The following DLG2 variants were observed in gnomAD, a reference collection of about 807,000 sequenced individuals.
The protein encoded by DLG2 is disks large homolog 2.
A neutral mutation model predicts 132.5 loss-of-function variants in DLG2; 45 were observed. That is an observed-to-expected ratio of 0.34 (90% CI 0.27 to 0.44). The LOEUF (loss-of-function observed/expected upper bound fraction) is 0.44, where lower values mean the gene tolerates loss of function less well. DLG2 is among the 20% of genes least tolerant of loss of function. The pLI is 1.00. For missense variants in DLG2, 1,045 were observed against 1,196.9 expected (o/e 0.87, Z 1.87); for synonymous variants, 424 against 419.6 (o/e 1.01, Z -0.13).
chr11:84,795,199 G>A (rs2074406634), intron 6 of DLG2, among the ~76,000 whole-genome samples: 2 of 152,232 alleles, frequency 1.3e-5, no homozygotes, highest in Non-Finnish European at 2.9e-5. Context: ...AGGATGACCT[G>A]CCTGTGGAGA....
At chr11:83,904,944 G>A (rs1381914468) in intron 15 of DLG2, among the ~76,000 whole-genome samples, 1 of 152,134 alleles carries the variant, frequency 6.6e-6, no homozygotes, top group East Asian at 1.9e-4. Flanking sequence ...TCCGTATCCA[G>A]TACAGTGTAG....
intron 3 of DLG2, among the ~76,000 whole-genome samples, chr11:85,484,656 C>A (rs1159249055): frequency 6.6e-6 from 1 of 152,048 alleles, no homozygotes; most frequent in Non-Finnish European, 1.5e-5. Flanking sequence ...AATGAGATAC[C>A]ACCTCACGCC....
At chr11:85,044,669 C>T (rs993912092) in intron 6 of DLG2, among the ~76,000 whole-genome samples, 1 of 151,964 alleles carries the variant, frequency 6.6e-6, no homozygotes. Context: ...TTTTAAATCA[C>T]TGCTTAAACT....
At chr11:85,200,897 C>T (rs2081407456) in intron 4 of DLG2, among the ~76,000 whole-genome samples, 1 of 152,056 alleles carries the variant, frequency 6.6e-6, no homozygotes, top group Non-Finnish European at 1.5e-5. Context: ...CTGAGCTTTC[C>T]AGCCTCCATC....
intron 6 of DLG2, among the ~76,000 whole-genome samples, chr11:84,625,514 T>A (rs1336659087): frequency 6.6e-6 from 1 of 152,218 alleles, no homozygotes; most frequent in African/African-American, 2.4e-5. Flanking sequence ...GAGCATCTGC[T>A]TGTAACTTCC....
chr11:84,093,208 T>A (rs1347506182), intron 10 of DLG2, among the ~76,000 whole-genome samples: 1 of 152,188 alleles, frequency 6.6e-6, no homozygotes, highest in African/African-American at 2.4e-5. Context: ...AGATGTCAGC[T>A]GAGCTGCATT....
chr11:84,644,402 T>A (rs1020032871), intron 6 of DLG2, among the ~76,000 whole-genome samples: 1 of 152,040 alleles, frequency 6.6e-6, no homozygotes, highest in Non-Finnish European at 1.5e-5. Context: ...GCACTATACA[T>A]ACATGTAAGA....
rs151085892 is a variant in DLG2, at chr11:84,969,041, C to A, written c.357+142620G>T. Among the ~76,000 whole-genome samples, 36 of 136,676 alleles carry A rather than the reference C, an allele frequency of 2.6e-4. No homozygotes were observed. The East Asian group carries it at 7.0e-3, about 26-fold the overall frequency. The allele number at this position is 136,676 out of a possible 152,430, so 89.7% of individuals were successfully genotyped here. ...GCCTCTCTACTTAAAGCCTAGAAAT[C>A]AAAAACTCAAAGGAAACTTTATTCT... On this transcript the variant is annotated intron_variant, in intron 6 of 27. Coordinates refer to ENST00000376104, the MANE Select transcript of DLG2 (RefSeq NM_001142699.3).
chr11:85,496,362 T>C (rs1443548283), intron 3 of DLG2, among the ~76,000 whole-genome samples: 1 of 152,150 alleles, frequency 6.6e-6, no homozygotes, highest in Non-Finnish European at 1.5e-5. Flanking sequence ...GCATCCACCA[T>C]TGCTGAGGCT....
At chr11:83,647,478 C>T (rs2068588454) in intron 18 of DLG2, 2 of 152,092 alleles carry the variant, frequency 1.3e-5, no homozygotes, top group African/African-American at 4.8e-5. Flanking sequence ...CCTTTTAAAA[C>T]TTCTAACTCA....
intron 11 of DLG2, among the ~76,000 whole-genome samples, chr11:84,029,629 A>C (rs2095637135): frequency 6.6e-6 from 1 of 152,128 alleles, no homozygotes; most frequent in African/African-American, 2.4e-5. Context: ...CAATAATAAT[A>C]ATAAAAGTCC....
intron 7 of DLG2, among the ~76,000 whole-genome samples, chr11:84,408,986 T>G (rs1190102635): frequency 6.6e-6 from 1 of 152,160 alleles, no homozygotes; most frequent in Middle Eastern, 3.2e-3. Context: ...ATCACATCAC[T>G]CTAAAGTTTA....
intron 7 of DLG2, among the ~76,000 whole-genome samples, chr11:84,358,936 C>T (rs2098633925): frequency 6.6e-6 from 1 of 151,856 alleles, no homozygotes; most frequent in African/African-American, 2.4e-5. Context: ...GAGATTTCAA[C>T]CCAGATCATT....
intron 19 of DLG2, among the ~76,000 whole-genome samples, chr11:83,549,737 C>T (rs1158225132): frequency 6.6e-6 from 1 of 152,148 alleles, no homozygotes; most frequent in African/African-American, 2.4e-5. Context: ...TAAAAACAAT[C>T]ATTCGTCCAC....
At chr11:83,543,863 T>G (rs183531783) in intron 19 of DLG2, among the ~76,000 whole-genome samples, 2 of 152,308 alleles carry the variant, frequency 1.3e-5, no homozygotes, top group East Asian at 3.9e-4. Flanking sequence ...AGGGTGGCCC[T>G]TGGCTGACAT....
chr11:83,601,510 C>CTTTTGTTTTTTTTTT (rs2058542221), intron 19 of DLG2, among the ~76,000 whole-genome samples: 1 of 94,536 alleles, frequency 1.1e-5, no homozygotes, highest in Non-Finnish European at 1.9e-5. Context: ...ATGTGATGTT[C>CTTTTGTTTTTTTTTT]TTTTTTTTTT....
At chr11:85,162,866 A>G (rs2078144527) in intron 4 of DLG2, among the ~76,000 whole-genome samples, 1 of 152,220 alleles carries the variant, frequency 6.6e-6, no homozygotes, top group African/African-American at 2.4e-5. Context: ...TGAAGAATTC[A>G]AAGTATTGAT....
At chr11:85,564,183 C>T (rs979449470) in intron 3 of DLG2, among the ~76,000 whole-genome samples, 1 of 152,028 alleles carries the variant, frequency 6.6e-6, no homozygotes, top group South Asian at 2.1e-4. Flanking sequence ...GTATACATCA[C>T]AAATATTTCC....
chr11:85,154,303 G>A (rs776220480), intron 5 of DLG2, among the ~76,000 whole-genome samples: 25 of 152,146 alleles, frequency 1.6e-4, no homozygotes, highest in Non-Finnish European at 2.6e-4. Flanking sequence ...CAAAATGACT[G>A]TGTGATAACC....
Sources: gnomAD v4.1 joint callset for allele counts (sites outside exome capture counted in the v4.1 genomes callset) on GRCh38, gnomAD v4.1.1 for gene constraint, MANE v1.5 for transcripts, NCBI Gene and HGNC (gene_info 2026-07-23, HGNC 2026-07-21) for gene names.